The following KIAA0232 variants were observed in gnomAD, a reference collection of about 807,000 sequenced individuals.
KIAA0232 encodes the protein uncharacterized protein KIAA0232.
A neutral mutation model predicts 122.0 loss-of-function variants in KIAA0232; 27 were observed. The observed-to-expected ratio is 0.22, with a 90% CI of 0.16 to 0.31. KIAA0232 has a LOEUF of 0.31. KIAA0232 is among the 10% of genes least tolerant of loss of function. The pLI, the probability that KIAA0232 is intolerant of heterozygous loss-of-function variation, is 1.00. For synonymous variants in KIAA0232, 613 were observed against 587.6 expected, an observed-to-expected ratio of 1.04 and a Z score of -0.63; for missense variants, 1,551 against 1,634.2, an observed-to-expected ratio of 0.95 and a Z score of 0.88.
At position 6,864,101 on chromosome 4, in the gene KIAA0232, T is replaced by C; in HGVS notation, c.3719T>C (p.Ile1240Thr). The C allele has an allele frequency of 6.2e-7, 1 of 1,614,038 alleles. No individual in the cohort carries two copies. Among genetic ancestry groups the C allele is most frequent in the Non-Finnish European group, 8.5e-7 (1 of 1,179,986 alleles). The stretch of plus-strand genomic sequence containing the variant: ...ATAATGGCACAATGCGAGGAAGAAA[T>C]TAATAATTTTTGTGGTTGCAAAGCA... ...CKIMAQCEEEINNFCGCKAGC... is the reference protein window; with the variant it reads ...CKIMAQCEEETNNFCGCKAGC... The change falls in exon 7 of 10, where the codon ATT (isoleucine) becomes ACT (threonine). Residue 1240 changes from isoleucine (I) to threonine (T), a missense_variant. Transcript: ENST00000307659.
chr4:6,825,538 G>C (rs917360676), intron 3 of KIAA0232, among the ~76,000 whole-genome samples: 1 of 152,074 alleles, frequency 6.6e-6, no homozygotes, highest in Non-Finnish European at 1.5e-5. Context: ...CTTGGCAACA[G>C]AGCAAGACCC....
chr4:6,868,745 A>G (rs1017949040), intron 7 of KIAA0232, among the ~76,000 whole-genome samples: 3 of 152,238 alleles, frequency 2.0e-5, no homozygotes, highest in Non-Finnish European at 2.9e-5. Flanking sequence ...TTAGATGAAT[A>G]TAGCATGATC....
At chr4:6,839,811 G>A (rs1171552715) in intron 3 of KIAA0232, among the ~76,000 whole-genome samples, 1 of 152,052 alleles carries the variant, frequency 6.6e-6, no homozygotes, top group East Asian at 1.9e-4. Flanking sequence ...GCATGGCAGT[G>A]GGCAGACAGG....
intron 2 of KIAA0232, among the ~76,000 whole-genome samples, chr4:6,813,138 G>A (rs574754010): frequency 6.6e-6 from 1 of 152,034 alleles, no homozygotes; most frequent in Non-Finnish European, 1.5e-5. Flanking sequence ...AGTAATATAT[G>A]TCATATAGAA....
chr4:6,790,351 T>C (rs186793610), intron 1 of KIAA0232, among the ~76,000 whole-genome samples: 41 of 151,540 alleles, frequency 2.7e-4, no homozygotes, highest in Non-Finnish European at 4.0e-4. Context: ...TTCAAGCCCT[T>C]CCTTTTTTTA....
chr4:6,843,915 T>C (rs1356470055), intron 4 of KIAA0232, among the ~76,000 whole-genome samples: 1 of 143,450 alleles, frequency 7.0e-6, no homozygotes, highest in Non-Finnish European at 1.5e-5. Flanking sequence ...GCAAGGACCG[T>C]GAGTTACCCA....
intron 1 of KIAA0232, among the ~76,000 whole-genome samples, chr4:6,800,463 C>T (rs1241881306): frequency 4.6e-5 from 7 of 150,958 alleles, no homozygotes; most frequent in Admixed American, 2.0e-4. Context: ...AGGCGGATCA[C>T]CTGAGGTCAG....
chr4:6,845,472 G>T (rs1719903877), intron 4 of KIAA0232, among the ~76,000 whole-genome samples: 1 of 152,130 alleles, frequency 6.6e-6, no homozygotes, highest in African/African-American at 2.4e-5. Context: ...CACGGTACAG[G>T]CCTGAGTCAC....
chr4:6,836,708 T>G (rs1272549446), intron 3 of KIAA0232, among the ~76,000 whole-genome samples: 1 of 152,070 alleles, frequency 6.6e-6, no homozygotes, highest in African/African-American at 2.4e-5. Flanking sequence ...TTCCGCAGTG[T>G]TTGTGTCCCT....
intron 7 of KIAA0232, among the ~76,000 whole-genome samples, chr4:6,868,606 T>C (rs1721307169): frequency 6.6e-6 from 1 of 152,200 alleles, no homozygotes; most frequent in Non-Finnish European, 1.5e-5. Flanking sequence ...AGGGCAGCAC[T>C]GAGGCCGCTG....
At chr4:6,824,117 T>C in intron 2 of KIAA0232, 68 bp from the exon 3 acceptor site, 1 of 418,086 alleles carries the variant, frequency 2.4e-6, no homozygotes, top group Admixed American at 3.9e-5. Flanking sequence ...TGATTTTTTT[T>C]CCTCAAAAGG....
At chr4:6,827,880 C>T (rs1308254481) in intron 3 of KIAA0232, among the ~76,000 whole-genome samples, 2 of 148,046 alleles carry the variant, frequency 1.4e-5, no homozygotes, top group Non-Finnish European at 3.0e-5. Flanking sequence ...TTTCTTCTTT[C>T]TTTTTTTTTT....
chr4:6,868,335 A>G (rs907280442), intron 7 of KIAA0232, among the ~76,000 whole-genome samples: 2 of 152,230 alleles, frequency 1.3e-5, no homozygotes, highest in Admixed American at 1.3e-4. Context: ...TGCTGGGAAT[A>G]AGTAACAAAG....
At chr4:6,877,804 T>C (rs1244850347) in intron 9 of KIAA0232, among the ~76,000 whole-genome samples, 6 of 152,138 alleles carry the variant, frequency 3.9e-5, no homozygotes. Flanking sequence ...TAATCTCCTT[T>C]GGCAACACCC....
chr4:6,857,127 T>C (rs1197078015), intron 4 of KIAA0232, 37 bp from the exon 5 acceptor site: 1 of 1,523,422 alleles, frequency 6.6e-7, no homozygotes, highest in Non-Finnish European at 8.9e-7. Flanking sequence ...TGTACATACC[T>C]GGCTGTAACC....
chr4:6,816,959 A>G (rs1553832597), intron 2 of KIAA0232, among the ~76,000 whole-genome samples: 1 of 152,106 alleles, frequency 6.6e-6, no homozygotes, highest in Non-Finnish European at 1.5e-5. Context: ...CATTCCTGAT[A>G]CTGGTAATCT....
intron 2 of KIAA0232, among the ~76,000 whole-genome samples, chr4:6,823,444 C>G (rs1718516056): frequency 6.6e-6 from 1 of 152,142 alleles, no homozygotes; most frequent in Admixed American, 6.6e-5. Context: ...AGCAAGAAGA[C>G]AAGTTTCAAT....
At chr4:6,828,805 C>T (rs1479663405) in intron 3 of KIAA0232, among the ~76,000 whole-genome samples, 2 of 152,180 alleles carry the variant, frequency 1.3e-5, no homozygotes, top group Non-Finnish European at 2.9e-5. Context: ...GTCTTCTCTT[C>T]ATGCTGACCT....
intron 7 of KIAA0232, among the ~76,000 whole-genome samples, chr4:6,868,460 G>A (rs1210736110): frequency 6.6e-6 from 1 of 152,200 alleles, no homozygotes; most frequent in African/African-American, 2.4e-5. Flanking sequence ...TGGACGAGGG[G>A]CATTGGGTTT....
Sources: gnomAD v4.1 joint callset for allele counts (sites outside exome capture counted in the v4.1 genomes callset) on GRCh38, gnomAD v4.1.1 for gene constraint, MANE v1.5 for transcripts, NCBI Gene and HGNC (gene_info 2026-07-23, HGNC 2026-07-21) for gene names.